The following CLCN5 variants were observed in gnomAD, a reference collection of about 807,000 sequenced individuals.
CLCN5 encodes the protein Cl-/H+ antiporter 5.
Under a neutral mutation model 54.0 loss-of-function variants are expected in CLCN5, and 17 were observed. The observed-to-expected ratio is 0.31, with a 90% CI of 0.22 to 0.47. CLCN5 has a LOEUF of 0.47. Among genes scored for constraint, CLCN5 ranks in the 20% least tolerant of loss-of-function variants. CLCN5 has a pLI of 1.00. For missense variants in CLCN5, 448 were observed against 646.7 expected (o/e 0.69, Z 3.33); for synonymous variants, 222 against 233.0 (o/e 0.95, Z 0.43).
At chrX:49,957,248 C>T (rs1365511882) in intron 3 of CLCN5, among the ~76,000 whole-genome samples, 1 of 110,878 alleles carries the variant, frequency 9.0e-6, no homozygotes, top group African/African-American at 3.3e-5. Context: ...TGCAGTGAGC[C>T]AAGATTGCAC....
At chrX:50,088,422 C>T in intron 11 of CLCN5, 1 of 346,207 alleles carries the variant, frequency 2.9e-6, no homozygotes, top group Non-Finnish European at 5.1e-6. Flanking sequence ...GGCCCAATTT[C>T]TGCCTCCAGT....
chrX:50,013,162 C>T (rs782189017), intron 3 of CLCN5: 5 of 262,471 alleles, frequency 1.9e-5, no homozygotes, highest in South Asian at 1.3e-4. Flanking sequence ...ATCAATCTCT[C>T]TCCTCTCTCT....
intron 5 of CLCN5, among the ~76,000 whole-genome samples, chrX:50,071,351 A>C (rs1933214437): frequency 8.9e-6 from 1 of 112,101 alleles, no homozygotes; most frequent in Non-Finnish European, 1.9e-5. Flanking sequence ...GAACATATAC[A>C]CATATTCTTT....
intron 3 of CLCN5, among the ~76,000 whole-genome samples, chrX:49,950,248 T>C (rs1396468323): frequency 1.8e-5 from 2 of 111,938 alleles, no homozygotes; most frequent in African/African-American, 6.5e-5. Context: ...TGATTTTCCA[T>C]TGCTCCCAGC....
intron 2 of CLCN5, among the ~76,000 whole-genome samples, chrX:49,924,896 C>A (rs781892078): frequency 2.0e-4 from 22 of 112,129 alleles, no homozygotes; most frequent in Admixed American, 1.7e-3. Context: ...AGGTGCTTAA[C>A]GGTGATTTCA....
At chrX:50,047,182 T>G (rs782489533) in intron 4 of CLCN5, among the ~76,000 whole-genome samples, 1 of 112,253 alleles carries the variant, frequency 8.9e-6, no homozygotes, top group African/African-American at 3.2e-5. Context: ...TAAAATATCT[T>G]GGGTTCCAGC....
intron 3 of CLCN5, among the ~76,000 whole-genome samples, chrX:49,987,813 C>G (rs1458279575): frequency 1.8e-5 from 2 of 111,677 alleles, no homozygotes; most frequent in African/African-American, 6.5e-5. Flanking sequence ...TAGACCTTTA[C>G]AGAATGGCCC....
chrX:49,992,179 T>C (rs1431840016), intron 3 of CLCN5, among the ~76,000 whole-genome samples: 3 of 108,923 alleles, frequency 2.8e-5, no homozygotes, highest in Admixed American at 2.0e-4. Context: ...CCGGGGTCTC[T>C]CTCTTGGGGT....
At chrX:50,060,841 C>CCCTGACT (rs1932846255) in intron 4 of CLCN5, among the ~76,000 whole-genome samples, 1 of 95,205 alleles carries the variant, frequency 1.1e-5, no homozygotes, top group Admixed American at 1.1e-4. Flanking sequence ...TCAAGTGGGT[C>CCCTGACT]CCTGACCCCT....
intron 3 of CLCN5, among the ~76,000 whole-genome samples, chrX:50,007,909 A>T (rs1930283330): frequency 8.9e-6 from 1 of 112,045 alleles, no homozygotes; most frequent in Non-Finnish European, 1.9e-5. Context: ...TAGAGCGTGC[A>T]TTTGAACCAA....
At chrX:50,077,832 A>C (rs1383945421) in intron 7 of CLCN5, among the ~76,000 whole-genome samples, 4 of 83,814 alleles carry the variant, frequency 4.8e-5, no homozygotes, top group Admixed American at 1.3e-4. Flanking sequence ...AAAAAAAAAA[A>C]AAAAAAAAAA....
rs1557195219 is a variant in CLCN5 at position 50,094,108 on chromosome X, T to A, written c.*1889T>A. ...ATTCTAGGACGTTTTTACCCATAGT[T>A]CTTGTCTTTCCAAAATCTGAAATTC... On this transcript the variant is annotated 3_prime_UTR_variant, in exon 15 of 15. Transcript: ENST00000376091. 3 of 112,117 alleles carry A rather than the reference T, an allele frequency of 2.7e-5. No homozygotes were observed. The highest frequency in any genetic ancestry group is 5.6e-5 in the Non-Finnish European group (3 of 53,270). The allele number at this position is 112,117 out of a possible 1,213,427, so 9.2% of individuals were successfully genotyped here.
At chrX:49,972,236 T>C (rs1313157943) in intron 3 of CLCN5, among the ~76,000 whole-genome samples, 1 of 109,363 alleles carries the variant, frequency 9.1e-6, no homozygotes, top group Non-Finnish European at 1.9e-5. Flanking sequence ...AGTATGTATT[T>C]ATTGGGAATA....
chrX:50,058,367 C>T, intron 4 of CLCN5, among the ~76,000 whole-genome samples: 1 of 111,035 alleles, frequency 9.0e-6, no homozygotes, highest in East Asian at 2.8e-4. Context: ...GTTCAGCCCC[C>T]TAGGTAAATT....
chrX:49,956,162 C>T (rs1266867888), intron 3 of CLCN5, among the ~76,000 whole-genome samples: 1 of 111,906 alleles, frequency 8.9e-6, no homozygotes, highest in Admixed American at 9.5e-5. Flanking sequence ...CAGGCCTAAT[C>T]TTCCAAGATT....
At chrX:49,974,465 C>G (rs1410558742) in intron 3 of CLCN5, among the ~76,000 whole-genome samples, 1 of 108,748 alleles carries the variant, frequency 9.2e-6, no homozygotes, top group Non-Finnish European at 1.9e-5. Context: ...CAGGGATGCT[C>G]TGGGGAAAGG....
chrX:49,952,456 C>T (rs1557173178), intron 3 of CLCN5, among the ~76,000 whole-genome samples: 2 of 110,031 alleles, frequency 1.8e-5, no homozygotes, highest in African/African-American at 6.6e-5. Context: ...GAAGGACTCT[C>T]CAGTCTATAT....
intron 3 of CLCN5, among the ~76,000 whole-genome samples, chrX:49,953,076 G>T (rs1274176920): frequency 9.1e-6 from 1 of 110,274 alleles, no homozygotes; most frequent in African/African-American, 3.3e-5. Flanking sequence ...GTAGAGACAG[G>T]GTTTCTCCAT....
At chrX:49,996,705 A>G (rs1277606795) in intron 3 of CLCN5, among the ~76,000 whole-genome samples, 1 of 112,507 alleles carries the variant, frequency 8.9e-6, no homozygotes, top group Non-Finnish European at 1.9e-5. Flanking sequence ...AAATGGACAC[A>G]TTAAGTAAGA....
Sources: gnomAD v4.1 joint callset for allele counts (sites outside exome capture counted in the v4.1 genomes callset) on GRCh38, gnomAD v4.1.1 for gene constraint, MANE v1.5 for transcripts, NCBI Gene and HGNC (gene_info 2026-07-23, HGNC 2026-07-21) for gene names.